The following OSBPL8 variants were observed in gnomAD, a reference collection of about 807,000 sequenced individuals.
The protein encoded by OSBPL8 is oxysterol binding protein like 8, also known as oxysterol-binding protein-related protein 8.
OSBPL8 carries 59 observed loss-of-function variants against 125.5 expected under a neutral mutation model. The observed-to-expected ratio is 0.47, with a 90% CI of 0.38 to 0.58. OSBPL8 has a LOEUF of 0.58. Ranked by LOEUF, OSBPL8 falls within the 20% of genes least tolerant of loss-of-function variation. OSBPL8 has a pLI of 0.00. For synonymous variants in OSBPL8, 330 were observed against 338.9 expected (o/e 0.97, Z 0.29); for missense variants, 758 against 1,047.8 (o/e 0.72, Z 3.82).
At position 76,369,765 on chromosome 12, in the gene OSBPL8, T is replaced by C. The variant is rs764386649; in HGVS notation, c.2112A>G (p.Gln704=). ...INAKDQTEAT[Q]EKYVLEEAQR... ...GAGCTTCTTCCAAAACATACTTCTC[T>C]TGGGTAGCTTCAGTTTGGTCTTTGG... Residue 704 remains glutamine (Q), a synonymous_variant, in exon 20 of 24, where the codon CAA becomes CAG. Coordinates refer to ENST00000261183, the MANE Select transcript of OSBPL8 (RefSeq NM_020841.5). 2 of 1,613,656 alleles carry C rather than the reference T, an allele frequency of 1.2e-6. No individual in the cohort carries two copies. The highest frequency in any genetic ancestry group is 1.1e-5 in the South Asian group (1 of 91,072).
intron 2 of OSBPL8, among the ~76,000 whole-genome samples, chr12:76,482,568 G>A (rs755047203): frequency 3.3e-5 from 5 of 152,030 alleles, no homozygotes; most frequent in East Asian, 1.9e-4. Context: ...GGCCAAGATC[G>A]TGCCATTGGA....
rs187143862 is a variant in OSBPL8 at position 76,490,730 on chromosome 12, T to C, written c.-67-3112A>G. ...ACAAAAGGCTGTCACACTGGCCCCTTGCCCTTATTGGCAGAAGGCAGCCAT... is the reference window on the plus strand; with the variant it reads ...ACAAAAGGCTGTCACACTGGCCCCTCGCCCTTATTGGCAGAAGGCAGCCAT... On this transcript the variant is annotated intron_variant, in intron 1 of 23. Coordinates refer to ENST00000261183, the MANE Select transcript of OSBPL8 (RefSeq NM_020841.5). Among the ~76,000 whole-genome samples, 16 of 152,358 alleles carry C rather than the reference T, an allele frequency of 1.1e-4. No individual in the cohort carries two copies. The East Asian group carries it at 2.9e-3, about 28-fold the overall frequency.
At chr12:76,412,520 T>A (rs1038938620) in intron 4 of OSBPL8, among the ~76,000 whole-genome samples, 1 of 152,186 alleles carries the variant, frequency 6.6e-6, no homozygotes, top group Non-Finnish European at 1.5e-5. Flanking sequence ...CTAGTCTATA[T>A]CCCTTTAACT....
At chr12:76,552,484 T>C (rs1379646467) in intron 1 of OSBPL8, among the ~76,000 whole-genome samples, 1 of 151,916 alleles carries the variant, frequency 6.6e-6, no homozygotes, top group Non-Finnish European at 1.5e-5. Context: ...AGCACAAATT[T>C]TTGTGGGCAA....
At chr12:76,488,041 T>G (rs1024205437) in intron 1 of OSBPL8, among the ~76,000 whole-genome samples, 2 of 152,160 alleles carry the variant, frequency 1.3e-5, no homozygotes, top group Non-Finnish European at 2.9e-5. Context: ...GAAGGACAAT[T>G]AAAAATATGT....
intron 2 of OSBPL8, among the ~76,000 whole-genome samples, chr12:76,468,401 T>G (rs900125892): frequency 2.6e-5 from 4 of 152,238 alleles, no homozygotes; most frequent in Admixed American, 2.6e-4. Flanking sequence ...TAAAACTGAT[T>G]GCTTAAAGTG....
chr12:76,429,018 T>A (rs545733841), intron 4 of OSBPL8, among the ~76,000 whole-genome samples: 2 of 152,210 alleles, frequency 1.3e-5, no homozygotes, highest in African/African-American at 4.8e-5. Flanking sequence ...AGCAAAATCT[T>A]ACTAATCTTA....
chr12:76,393,314 G>T (rs1953642833), intron 9 of OSBPL8, among the ~76,000 whole-genome samples: 1 of 152,110 alleles, frequency 6.6e-6, no homozygotes, highest in Non-Finnish European at 1.5e-5. Flanking sequence ...ATTTATATTT[G>T]TTTAGGGCTC....
At chr12:76,518,063 C>T (rs923498340) in intron 1 of OSBPL8, among the ~76,000 whole-genome samples, 2 of 152,148 alleles carry the variant, frequency 1.3e-5, no homozygotes, top group South Asian at 4.1e-4. Flanking sequence ...CAATAGTCTC[C>T]CAAAGTCTTA....
chr12:76,364,567 T>C (rs909726124), intron 21 of OSBPL8, among the ~76,000 whole-genome samples: 5 of 152,094 alleles, frequency 3.3e-5, no homozygotes, highest in African/African-American at 1.2e-4. Context: ...GGTTGATGGG[T>C]GCAGCAAACC....
chr12:76,505,686 C>A (rs902026138), intron 1 of OSBPL8, among the ~76,000 whole-genome samples: 17 of 151,598 alleles, frequency 1.1e-4, no homozygotes, highest in African/African-American at 4.1e-4. Flanking sequence ...ACTAGAAGAC[C>A]CTTCCAAGCA....
chr12:76,418,010 CTTTTTTTTTT>C (rs35319213), intron 4 of OSBPL8, among the ~76,000 whole-genome samples: 31 of 111,582 alleles, frequency 2.8e-4, no homozygotes, highest in African/African-American at 1.0e-3. Flanking sequence ...TTTTCACTAC[CTTTTTTTTTT>C]TTTTTTTTTT....
intron 2 of OSBPL8, chr12:76,486,153 A>G: frequency 2.9e-6 from 1 of 344,718 alleles, no homozygotes; most frequent in Non-Finnish European, 5.7e-6. Context: ...TTGATCATTT[A>G]AGAACCCCAA....
At chr12:76,511,965 A>C (rs1024764584) in intron 1 of OSBPL8, among the ~76,000 whole-genome samples, 18 of 152,106 alleles carry the variant, frequency 1.2e-4, no homozygotes, top group African/African-American at 4.1e-4. Context: ...GCATCATTTA[A>C]CTTGTTAAAT....
chr12:76,473,280 T>C (rs2136932146), intron 2 of OSBPL8, among the ~76,000 whole-genome samples: 1 of 152,320 alleles, frequency 6.6e-6, no homozygotes, highest in Non-Finnish European at 1.5e-5. Flanking sequence ...ATGATCTAGA[T>C]CTAGTATAAC....
chr12:76,416,001 G>T (rs1868615099), intron 4 of OSBPL8, among the ~76,000 whole-genome samples: 1 of 151,806 alleles, frequency 6.6e-6, no homozygotes, highest in Admixed American at 6.6e-5. Flanking sequence ...AAGATACTTA[G>T]CTCATTAATT....
At chr12:76,367,244 G>GTGTGTA (rs1272042284) in intron 21 of OSBPL8, among the ~76,000 whole-genome samples, 1 of 151,896 alleles carries the variant, frequency 6.6e-6, no homozygotes, top group Admixed American at 6.6e-5. Flanking sequence ...GTGTGTGTGT[G>GTGTGTA]TGTGTGTGTG....
intron 1 of OSBPL8, among the ~76,000 whole-genome samples, chr12:76,502,547 A>C (rs2137124446): frequency 6.6e-6 from 1 of 152,332 alleles, no homozygotes; most frequent in East Asian, 1.9e-4. Flanking sequence ...AGTATGTCTG[A>C]AATACAGGAG....
chr12:76,527,998 C>T (rs2137311837), intron 1 of OSBPL8, among the ~76,000 whole-genome samples: 1 of 152,284 alleles, frequency 6.6e-6, no homozygotes, highest in South Asian at 2.1e-4. Context: ...CCAAATACAA[C>T]CCCCTGTAGC....
Sources: allele counts gnomAD v4.1 joint callset (sites outside exome capture counted in the v4.1 genomes callset), GRCh38; gene constraint gnomAD v4.1.1; transcripts MANE v1.5; gene names NCBI Gene and HGNC (gene_info 2026-07-23, HGNC 2026-07-21).